The following HSPG2 variants were observed in gnomAD, a reference collection of about 807,000 sequenced individuals.
The protein encoded by HSPG2 is heparan sulfate proteoglycan 2.
In HSPG2, 278 loss-of-function variants were observed where a neutral mutation model predicts 526.6. That is an observed-to-expected ratio of 0.53 (90% CI 0.48 to 0.58). The LOEUF is 0.58. HSPG2 is among the 20% of genes least tolerant of loss of function. The probability of loss-of-function intolerance (pLI) is 0.00; values close to 1 mark genes in which losing one functional copy is unlikely to be tolerated. For synonymous variants in HSPG2, 2,465 were observed against 2,555.4 expected (o/e 0.96, Z 1.07); for missense variants, 5,354 against 6,099.5 (o/e 0.88, Z 4.07).
intron 3 of HSPG2, among the ~76,000 whole-genome samples, chr1:21,892,045 G>A (rs977517154): frequency 6.6e-6 from 1 of 152,242 alleles, no homozygotes; most frequent in Non-Finnish European, 1.5e-5. Context: ...CGGTGTGTAG[G>A]TGGCAGAGCA....
At position 21,916,764 on chromosome 1, in the gene HSPG2, G is replaced by A. The variant is rs569941616; in HGVS notation, c.63+20391C>T. ...TTTAAATTTTGCATTAAATAGTCAC[G>A]TGTGACTAGCAGTTACCATATCAGA... is the stretch of plus-strand genomic sequence containing the variant. On this transcript the variant is annotated intron_variant, in intron 1 of 96. Transcript: ENST00000374695. Among the ~76,000 whole-genome samples, 10 of 151,960 alleles carry A rather than the reference G, an allele frequency of 6.6e-5. No homozygotes were observed. The East Asian group carries it at 7.7e-4, about 12-fold the overall frequency.
In HSPG2 at chr1:21,842,780, G is replaced by C; in HGVS notation, c.8900C>G (p.Ala2967Gly). ...TCCTGGCCCCTGTACCTGGTGCCGG[G>C]CGGGGAGGCTGCCCCCGCGCTTGTA... is the stretch of plus-strand genomic sequence containing the variant. ...TWYKRGGSLP[A>G]RHQTHGSQLR... Residue 2967 changes from alanine (A) to glycine (G), a missense_variant, in exon 67 of 97, where the codon GCC (alanine) becomes GGC (glycine). By Grantham distance (60) the Ala-to-Gly change is moderately conservative (BLOSUM62 0). Transcript: ENST00000374695. The C allele has an allele frequency of 6.2e-7, 1 of 1,613,248 alleles. No homozygotes were observed. The highest frequency in any genetic ancestry group is 8.5e-7 in the Non-Finnish European group (1 of 1,180,020).
At chr1:21,896,839 GCCCGTCTC>G (rs1642785610) in intron 1 of HSPG2, among the ~76,000 whole-genome samples, 1 of 152,176 alleles carries the variant, frequency 6.6e-6, no homozygotes, top group South Asian at 2.1e-4. Flanking sequence ...ACTCTGGCCT[GCCCGTCTC>G]CAGGCTGCAG....
intron 81 of HSPG2, 152 bp downstream of exon 81, chr1:21,832,343 C>A (rs762265009): frequency 1.3e-5 from 9 of 668,922 alleles, no homozygotes; most frequent in Non-Finnish European, 1.9e-5. Flanking sequence ...GCATACTATT[C>A]CTACTCTAGC....
chr1:21,902,224 G>T (rs1298545848), intron 1 of HSPG2, among the ~76,000 whole-genome samples: 1 of 152,202 alleles, frequency 6.6e-6, no homozygotes, highest in Admixed American at 6.5e-5. Context: ...GGCCGGAAGG[G>T]AGGTGGCCAC....
chr1:21,844,102 C>CT, intron 65 of HSPG2, 46 bp downstream of exon 65: 1 of 1,606,198 alleles, frequency 6.2e-7, no homozygotes, highest in Non-Finnish European at 8.5e-7. Flanking sequence ...CAGGCAGGAC[C>CT]ACTGCAGGTG....
intron 13 of HSPG2, among the ~76,000 whole-genome samples, chr1:21,883,787 C>A (rs369928366): frequency 6.6e-6 from 1 of 152,204 alleles, no homozygotes; most frequent in African/African-American, 2.4e-5. Flanking sequence ...ACGTGGAAAA[C>A]GACAGAGCTG....
At chr1:21,926,233 A>G (rs755556935) in intron 1 of HSPG2, among the ~76,000 whole-genome samples, 4 of 152,196 alleles carry the variant, frequency 2.6e-5, no homozygotes, top group Non-Finnish European at 4.4e-5. Flanking sequence ...GCAAGAGCCC[A>G]GTGGGAGGCC....
At chr1:21,881,612 T>A in intron 13 of HSPG2, 110 bp from the exon 14 acceptor site, 2 of 1,089,066 alleles carry the variant, frequency 1.8e-6, no homozygotes, top group Non-Finnish European at 2.7e-6. Context: ...GAAATTTGAT[T>A]TCGAGAAAAC....
chr1:21,839,856 A>T lies in HSPG2; in HGVS notation c.9675T>A (p.Ala3225=), dbSNP rs779248982. The stretch of plus-strand genomic sequence containing the variant: ...AGCAGCGCAAGGTGGCCGTGTGTCC[A>T]GCCTCCACAGTCAGCTCAGCTTCTT... ...QAEEAELTVE[A]GHTATLRCSA... Residue 3225 remains alanine, a synonymous_variant, in exon 72 of 97, where the codon GCT becomes GCA. Coordinates refer to ENST00000374695, the MANE Select transcript of HSPG2 (RefSeq NM_005529.7). The surrounding 1 kb of genome is among the most constrained non-coding windows in gnomAD (Gnocchi z 4.5). The T allele has an allele frequency of 4.3e-6, 7 of 1,613,912 alleles. No individual in the cohort carries two copies. The African/African-American group carries it at 9.3e-5, about 22-fold the overall frequency.
Position 21,828,358 on chromosome 1 carries a change from G to A in HSPG2, c.12306C>T (p.Cys4102=). The A allele has an allele frequency of 6.2e-7, 1 of 1,613,816 alleles. No homozygotes were observed. The highest frequency in any genetic ancestry group is 8.5e-7 in the Non-Finnish European group (1 of 1,180,010). The part of the protein sequence containing the change: ...SFLGSQGIGQ[C]YDSSPCERQP... ...GGCGCTCACATGGGGAGCTATCATA[G>A]CATTGCCCGATGCCCTGGCTGCCTA... The change falls in exon 89 of 97, where the codon TGC becomes TGT. Residue 4102 remains cysteine, a synonymous_variant. Transcript: ENST00000374695. This position sits in a 1 kb window ranked among gnomAD's most constrained non-coding sequence, Gnocchi z 6.0.
At chr1:21,854,521 G>T in intron 49 of HSPG2, 90 bp downstream of exon 49, 1 of 1,468,988 alleles carries the variant, frequency 6.8e-7, no homozygotes, top group Non-Finnish European at 9.2e-7. Context: ...GTGGGGCAGT[G>T]TGCCGCCTCC....
chr1:21,842,868 C>T lies in HSPG2; in HGVS notation c.8812G>A (p.Glu2938Lys), dbSNP rs1440545747. 2.5e-6 allele frequency: 4 copies of T among 1,614,016 alleles called. No homozygotes were observed. The highest frequency in any genetic ancestry group is 1.1e-5 in the South Asian group (1 of 91,090). Residue 2938 changes from glutamate (E) to lysine (K), a missense_variant, in exon 67 of 97, where the codon GAA (glutamate) becomes AAA (lysine). By Grantham distance (56) the Glu-to-Lys change is moderately conservative. Transcript: ENST00000374695. The part of the protein sequence containing the change: ...YIEASSSHVT[E>K]GQTLDLNCVV... Reference sequence around the variant, plus strand: ...CAGTTCAGATCCAGAGTCTGCCCTTCAGTCACGTGTGAAGAGGAGGCCTCG... The same window carrying T: ...CAGTTCAGATCCAGAGTCTGCCCTTTAGTCACGTGTGAAGAGGAGGCCTCG...
In HSPG2 at chr1:21,842,796, C is replaced by T. The variant is rs1457139409; in HGVS notation, c.8884G>A (p.Gly2962Arg). 37 of 1,613,484 alleles carry T rather than the reference C, an allele frequency of 2.3e-5. No individual in the cohort carries two copies. The highest frequency in any genetic ancestry group is 4.5e-5 in the East Asian group (2 of 44,894). ...TGGTGCCGGGCGGGGAGGCTGCCCC[C>T]GCGCTTGTACCACGTGACCTGGGCA... The part of the protein sequence containing the change: ...AHAQVTWYKR[G>R]GSLPARHQTH... The change falls in exon 67 of 97, where the codon GGG becomes AGG. Residue 2962 changes from glycine (G) to arginine (R), a missense_variant. Transcript: ENST00000374695.
At position 21,888,204 on chromosome 1, in the gene HSPG2, A is replaced by G. The variant is rs906860340; in HGVS notation, c.575-138T>C. The G allele has an allele frequency of 4.6e-6, 5 of 1,097,464 alleles. No individual in the cohort carries two copies. In the African/African-American group the frequency reaches 6.2e-5, roughly 14 times the overall value. The allele number at this position is 1,097,464 out of a possible 1,614,324, so 68.0% of individuals were successfully genotyped here. On this transcript the variant is annotated intron_variant, in intron 6 of 96. Transcript: ENST00000374695. ...GTTTCTGGCAGGCACAACGAGGGCA[A>G]GCAGCACACACTAGACACATCCACA...
At chr1:21,869,473 C>T (rs973128069) in intron 33 of HSPG2, 5 of 986,460 alleles carry the variant, frequency 5.1e-6, no homozygotes, top group African/African-American at 1.7e-5. Flanking sequence ...TACCTGAGAG[C>T]CTGGTGAGAA....
In HSPG2 at chr1:21,828,652, GT is replaced by G. The variant is rs2097987696; in HGVS notation, c.12237+182del. Among the ~76,000 whole-genome samples the G allele has an allele frequency of 6.6e-6, 1 of 152,198 alleles. No homozygotes were observed. The highest frequency in any genetic ancestry group is 2.4e-5 in the African/African-American group (1 of 41,438). On this transcript the variant is annotated intron_variant, in intron 88 of 96. Transcript: ENST00000374695. The surrounding 1 kb of genome is among the most constrained non-coding windows in gnomAD (Gnocchi z 6.0). ...ACAATCCTCTGCCCAACCTTTCAAA[GT>G]AGGTGTGATCATGCCCATTTTACAG...
intron 1 of HSPG2, among the ~76,000 whole-genome samples, chr1:21,921,207 C>T (rs1317720052): frequency 6.6e-6 from 1 of 152,174 alleles, no homozygotes; most frequent in Admixed American, 6.5e-5. Flanking sequence ...CAAGGTCATA[C>T]AGCCCAGAAC....
At chr1:21,873,807 G>T (rs11584053) in intron 29 of HSPG2, 118 bp downstream of exon 29, 2 of 832,308 alleles carry the variant, frequency 2.4e-6, no homozygotes, top group Non-Finnish European at 3.8e-6. Flanking sequence ...GGGCCTGTGC[G>T]AGGTTAAGAG....
Sources: gnomAD v4.1 joint callset for allele counts (sites outside exome capture counted in the v4.1 genomes callset) on GRCh38, gnomAD v4.1.1 for gene constraint, Gnocchi (gnomAD v3.1) non-coding constraint, MANE v1.5 for transcripts, NCBI Gene and HGNC (gene_info 2026-07-23, HGNC 2026-07-21) for gene names.